IGF1: variants seen among roughly 807,000 people sequenced by gnomAD.
The protein encoded by IGF1 is insulin like growth factor 1.
IGF1 carries 4 observed loss-of-function variants against 13.8 expected under a neutral mutation model. The ratio of observed to expected loss-of-function variants is 0.29; its 90% CI spans 0.14 to 0.66. The LOEUF (loss-of-function observed/expected upper bound fraction) is 0.66. IGF1 is among the 30% of genes least tolerant of loss of function. The pLI, the probability that IGF1 is intolerant of heterozygous loss-of-function variation, is 0.78. For missense variants in IGF1, 124 were observed against 188.5 expected, an observed-to-expected ratio of 0.66 and a Z score of 2.00; for synonymous variants, 76 against 72.6, an observed-to-expected ratio of 1.05 and a Z score of -0.23.
chr12:102,414,398 A>G (rs373329069), intron 3 of IGF1, among the ~76,000 whole-genome samples: 5 of 152,156 alleles, frequency 3.3e-5, no homozygotes, highest in African/African-American at 1.2e-4. Context: ...TGTACTCTTA[A>G]TGACTGTATT....
chr12:102,437,392 G>A (rs1877340475), intron 2 of IGF1, among the ~76,000 whole-genome samples: 1 of 152,224 alleles, frequency 6.6e-6, no homozygotes, highest in African/African-American at 2.4e-5. Context: ...CAAAAACATG[G>A]ACCAAGATTG....
chr12:102,479,958 AC>A (rs1566012656), intron 1 of IGF1, among the ~76,000 whole-genome samples: 1 of 136,158 alleles, frequency 7.3e-6, no homozygotes, highest in Non-Finnish European at 1.6e-5. Flanking sequence ...TAAAAATAAA[AC>A]ATCTGCACCT....
intron 2 of IGF1, among the ~76,000 whole-genome samples, chr12:102,472,657 G>A (rs1340922936): frequency 6.6e-6 from 1 of 152,152 alleles, no homozygotes; most frequent in Non-Finnish European, 1.5e-5. Context: ...TAGAGGTGGG[G>A]AAGAATGCTT....
intron 2 of IGF1, among the ~76,000 whole-genome samples, chr12:102,428,009 G>A (rs1188758838): frequency 6.6e-6 from 1 of 151,696 alleles, no homozygotes; most frequent in Non-Finnish European, 1.5e-5. Context: ...CTAGCACAGT[G>A]CCATATGCAG....
At chr12:102,435,869 G>A (rs923914174) in intron 2 of IGF1, among the ~76,000 whole-genome samples, 1 of 152,238 alleles carries the variant, frequency 6.6e-6, no homozygotes, top group Non-Finnish European at 1.5e-5. Context: ...TACTGGGGTG[G>A]TGCTCAAGCA....
At chr12:102,479,637 A>G (rs1033546465) in intron 1 of IGF1, among the ~76,000 whole-genome samples, 4 of 152,218 alleles carry the variant, frequency 2.6e-5, no homozygotes, top group African/African-American at 7.2e-5. Flanking sequence ...AGCAGCTCTT[A>G]GAAAGTTTCT....
chr12:102,403,606 G>T (rs1384202414), intron 3 of IGF1, among the ~76,000 whole-genome samples: 1 of 148,108 alleles, frequency 6.8e-6, no homozygotes, highest in Non-Finnish European at 1.5e-5. Flanking sequence ...ACAGGCGCAT[G>T]CCACCATGCC....
chr12:102,442,704 C>T (rs1021654845), intron 2 of IGF1, among the ~76,000 whole-genome samples: 3 of 152,032 alleles, frequency 2.0e-5, no homozygotes, highest in African/African-American at 4.8e-5. Flanking sequence ...TTTGAGCAGC[C>T]GCTCATTTGC....
At chr12:102,452,042 C>A (rs1412457732) in intron 2 of IGF1, among the ~76,000 whole-genome samples, 1 of 152,020 alleles carries the variant, frequency 6.6e-6, no homozygotes, top group East Asian at 1.9e-4. Flanking sequence ...GCGGGCGGAT[C>A]ACGAGGTTAG....
chr12:102,471,960 T>C (rs77551963), intron 2 of IGF1, among the ~76,000 whole-genome samples: 1 of 152,190 alleles, frequency 6.6e-6, no homozygotes, highest in African/African-American at 2.4e-5. Context: ...TCCTATTTCA[T>C]TTGAAGCTCT....
chr12:102,427,201 A>AT (rs532501466), intron 2 of IGF1, among the ~76,000 whole-genome samples: 4 of 151,154 alleles, frequency 2.6e-5, no homozygotes, highest in African/African-American at 4.9e-5. Context: ...TAGCTGTCTC[A>AT]TTTTTTTTTC....
At chr12:102,458,568 A>G (rs540604734) in intron 2 of IGF1, among the ~76,000 whole-genome samples, 1 of 152,294 alleles carries the variant, frequency 6.6e-6, no homozygotes, top group African/African-American at 2.4e-5. Flanking sequence ...ACACATAACT[A>G]ATCTAGGCCT....
At chr12:102,406,626 T>C (rs1874174287) in intron 3 of IGF1, among the ~76,000 whole-genome samples, 1 of 152,130 alleles carries the variant, frequency 6.6e-6, no homozygotes, top group Non-Finnish European at 1.5e-5. Flanking sequence ...CATTAGGAAA[T>C]AAGTTTGTGG....
chr12:102,414,239 C>T (rs1001507187), intron 3 of IGF1, among the ~76,000 whole-genome samples: 1 of 151,918 alleles, frequency 6.6e-6, no homozygotes, highest in Admixed American at 6.6e-5. Flanking sequence ...TCTCAATAAA[C>T]CCTCACAACA....
chr12:102,459,509 C>T lies in IGF1; in HGVS notation c.220+16134G>A, dbSNP rs374274903. Among the ~76,000 whole-genome samples, 18 of 151,754 alleles carry T rather than the reference C, an allele frequency of 1.2e-4. 1 individual carries two copies. Among genetic ancestry groups the T allele is most frequent in the Admixed American group, 1.3e-4 (2 of 15,268 alleles). On this transcript the variant is annotated intron_variant, in intron 2 of 3. Transcript: ENST00000337514. ...AATAGGTAACAGCTGTTATGGATCT[C>T]GGTGCAAAACAAACTGTAAGGCTAC...
At chr12:102,434,507 C>T (rs1251964293) in intron 2 of IGF1, among the ~76,000 whole-genome samples, 2 of 145,970 alleles carry the variant, frequency 1.4e-5, no homozygotes, top group African/African-American at 5.0e-5. Flanking sequence ...GCATAGTATT[C>T]CATGGTGTAT....
At chr12:102,416,004 C>T (rs541627728) in intron 3 of IGF1, among the ~76,000 whole-genome samples, 5 of 152,166 alleles carry the variant, frequency 3.3e-5, no homozygotes, top group Non-Finnish European at 7.3e-5. Flanking sequence ...TTCAGTTCGA[C>T]CTTTTCCTCC....
At chr12:102,463,993 T>C (rs1398400164) in intron 2 of IGF1, among the ~76,000 whole-genome samples, 3 of 152,226 alleles carry the variant, frequency 2.0e-5, no homozygotes, top group South Asian at 2.1e-4. Flanking sequence ...CAATTCTGCA[T>C]TGGCAAATAG....
At chr12:102,446,335 A>G (rs1878323170) in intron 2 of IGF1, among the ~76,000 whole-genome samples, 1 of 151,990 alleles carries the variant, frequency 6.6e-6, no homozygotes, top group South Asian at 2.1e-4. Flanking sequence ...GAATTCGGCT[A>G]TGCATCCATC....
Sources: allele counts gnomAD v4.1 joint callset (sites outside exome capture counted in the v4.1 genomes callset), GRCh38; gene constraint gnomAD v4.1.1; transcripts MANE v1.5; gene names NCBI Gene and HGNC (gene_info 2026-07-23, HGNC 2026-07-21).